GPBP1L1: variants seen among roughly 807,000 people sequenced by gnomAD.
GPBP1L1 encodes the protein vasculin-like protein 1.
Under a neutral mutation model 52.5 loss-of-function variants are expected in GPBP1L1, and 23 were observed. That is an observed-to-expected ratio of 0.44 (90% CI 0.32 to 0.62). GPBP1L1 has a LOEUF of 0.62. Ranked by LOEUF, GPBP1L1 falls within the 20% of genes least tolerant of loss-of-function variation. The pLI, the probability that GPBP1L1 is intolerant of heterozygous loss-of-function variation, is 0.06. For missense variants in GPBP1L1, 596 were observed against 579.3 expected (o/e 1.03, Z -0.30); for synonymous variants, 243 against 203.1 (o/e 1.20, Z -1.67).
chr1:45,633,466 C>T, intron 10 of GPBP1L1, 23 bp downstream of exon 10: 1 of 1,609,772 alleles, frequency 6.2e-7, no homozygotes, highest in Non-Finnish European at 8.5e-7. Flanking sequence ...TAGGCTACCC[C>T]CAGAAAAGGC....
chr1:45,633,741 C>T, intron 9 of GPBP1L1, 94 bp from the exon 10 acceptor site: 1 of 1,245,100 alleles, frequency 8.0e-7, no homozygotes. Flanking sequence ...ATCTGGTAGC[C>T]TATTTATCAC....
rs554456079 is a variant in GPBP1L1 at position 45,640,491 on chromosome 1, A to C, written c.551-88T>G. The stretch of plus-strand genomic sequence containing the variant: ...GTTTATACAAAGGCCTTAGTCAACA[A>C]AACAGCTGACAGTTGAGACAGAGGG... On this transcript the variant is annotated intron_variant, in intron 7 of 12. Transcript: ENST00000355105. 5.8e-6 allele frequency: 6 copies of C among 1,038,592 alleles called. No homozygotes were observed. In the East Asian group the frequency reaches 1.2e-4, roughly 21 times the overall value. The allele number at this position is 1,038,592 out of a possible 1,614,324, so 64.3% of individuals were successfully genotyped here. A position where few individuals can be genotyped will look rare whatever the true frequency, so the allele number is the denominator to read the frequency against.
In GPBP1L1 at chr1:45,654,813, G is replaced by A. The variant is rs77664275; in HGVS notation, c.207C>T (p.Pro69=). ...LRTAGDSWHQ[P]SLFRHDSVDS... ...CCACAGAATCATGGCGGAACAGGGA[G>A]GGCTGGTGCCAAGAATCTAGAATAG... is the stretch of plus-strand genomic sequence containing the variant. Residue 69 remains proline, a synonymous_variant, in exon 6 of 13, where the codon CCC becomes CCT. Transcript: ENST00000355105. 675 of 1,613,968 alleles carry A rather than the reference G, an allele frequency of 4.2e-4. 7 individuals carry two copies. In the East Asian group the frequency reaches 0.011, roughly 26 times the overall value.
chr1:45,682,490 A>T (rs1321070082), intron 2 of GPBP1L1, among the ~76,000 whole-genome samples: 1 of 152,228 alleles, frequency 6.6e-6, no homozygotes, highest in African/African-American at 2.4e-5. Flanking sequence ...AGGTGAACTT[A>T]ATGACTTTGT....
chr1:45,634,257 A>G (rs747729946), intron 8 of GPBP1L1, 21 bp from the exon 9 acceptor site: 1 of 1,592,032 alleles, frequency 6.3e-7, no homozygotes, highest in East Asian at 2.2e-5. Flanking sequence ...TGAAAGAACA[A>G]ATCAGTCAGA....
chr1:45,677,460 C>T (rs1386429763), intron 2 of GPBP1L1, among the ~76,000 whole-genome samples: 14 of 152,030 alleles, frequency 9.2e-5, no homozygotes. Context: ...GATGATCATG[C>T]CACTACACTC....
intron 11 of GPBP1L1, 173 bp from the exon 12 acceptor site, chr1:45,629,851 A>G (rs1206908615): frequency 5.1e-6 from 3 of 584,230 alleles, no homozygotes; most frequent in Non-Finnish European, 9.2e-6. Context: ...GGTGCTGTAA[A>G]TAAATGGAGG....
intron 2 of GPBP1L1, among the ~76,000 whole-genome samples, chr1:45,678,239 A>C (rs1057046118): frequency 1.3e-5 from 2 of 152,228 alleles, no homozygotes; most frequent in African/African-American, 4.8e-5. Flanking sequence ...TACAAATGCG[A>C]ATATACTAAA....
intron 6 of GPBP1L1, among the ~76,000 whole-genome samples, chr1:45,643,609 T>G (rs367584895): frequency 4.7e-5 from 7 of 148,768 alleles, no homozygotes; most frequent in African/African-American, 1.7e-4. Context: ...CGTATGACAC[T>G]GCTGTCCTAG....
Position 45,630,554 on chromosome 1 carries a change from T to C in GPBP1L1, c.1097A>G (p.His366Arg). 1.2e-6 allele frequency: 2 copies of C among 1,614,052 alleles called. No individual in the cohort carries two copies. Among genetic ancestry groups the C allele is most frequent in the Non-Finnish European group, 1.7e-6 (2 of 1,179,898 alleles). Residue 366 changes from histidine (H) to arginine (R), a missense_variant, in exon 11 of 13, where the codon CAT becomes CGT. Transcript: ENST00000355105. Reference protein sequence around the residue: ...EPKENGEEGCHQNGLALPVVE... With the variant: ...EPKENGEEGCRQNGLALPVVE... ...TACAGGGAGGGCAAGACCATTTTGATGACAGCCTTCCTCCCCATTTTCCTT... is the reference window on the plus strand; with the variant it reads ...TACAGGGAGGGCAAGACCATTTTGACGACAGCCTTCCTCCCCATTTTCCTT...
intron 6 of GPBP1L1, among the ~76,000 whole-genome samples, chr1:45,652,224 G>A (rs954330536): frequency 1.3e-5 from 2 of 152,224 alleles, no homozygotes; most frequent in African/African-American, 2.4e-5. Flanking sequence ...CTTGCCCCTA[G>A]TTGAGAACCA....
chr1:45,628,504 T>G lies in GPBP1L1; in HGVS notation c.1273-96A>C. The G allele has an allele frequency of 2.6e-6, 3 of 1,171,818 alleles. No homozygotes were observed. In the South Asian group the frequency reaches 4.4e-5, roughly 17 times the overall value. 72.6% of individuals were successfully genotyped at this position (1,171,818 alleles called of 1,614,324 possible). On this transcript the variant is annotated intron_variant, in intron 12 of 12. Transcript: ENST00000355105. ...GAAAGGCCAGGCCTCAATTCAATTCTAGGTAGAATGTGGGGCGGGGGGTGC... is the reference window on the plus strand; with the variant it reads ...GAAAGGCCAGGCCTCAATTCAATTCGAGGTAGAATGTGGGGCGGGGGGTGC...
At chr1:45,674,387 A>C (rs1421533231) in intron 2 of GPBP1L1, among the ~76,000 whole-genome samples, 3 of 152,226 alleles carry the variant, frequency 2.0e-5, no homozygotes, top group African/African-American at 7.2e-5. Flanking sequence ...AAAAGTTAAC[A>C]ATCTTACATT....
At chr1:45,678,014 C>A (rs1019733872) in intron 2 of GPBP1L1, among the ~76,000 whole-genome samples, 3 of 152,158 alleles carry the variant, frequency 2.0e-5, no homozygotes, top group African/African-American at 7.2e-5. Context: ...CATCCTACAA[C>A]ATGGATGAAC....
At chr1:45,652,720 A>ATT (rs59239639) in intron 6 of GPBP1L1, among the ~76,000 whole-genome samples, 1 of 147,670 alleles carries the variant, frequency 6.8e-6, no homozygotes, top group African/African-American at 2.5e-5. Flanking sequence ...TGATTGCTGC[A>ATT]TTTTTTTTTT....
rs1644468086 is a variant in GPBP1L1, at chr1:45,627,335, T to G, written c.*921A>C. On this transcript the variant is annotated 3_prime_UTR_variant, in exon 13 of 13. Transcript: ENST00000355105. ...TCTGACTTTATTACTGGTAATTTAT[T>G]GCACAGGTTTTTCTGCATCAAAAAA... is the stretch of plus-strand genomic sequence containing the variant. 1 of 152,440 alleles carries G rather than the reference T, an allele frequency of 6.6e-6. No homozygotes were observed. The allele number at this position is 152,440 out of a possible 1,614,324, so 9.4% of individuals were successfully genotyped here. A position where few individuals can be genotyped will look rare whatever the true frequency, so the allele number is the denominator to read the frequency against.
Position 45,672,569 on chromosome 1 carries a change from G to A in GPBP1L1, c.-1097-11344C>T, listed in dbSNP as rs188501750. ...AACTTTTAGGTGCCTACCAGACATCGAAGTGGAGATGTTAAGTAGATAGCT... is the reference window on the plus strand; with the variant it reads ...AACTTTTAGGTGCCTACCAGACATCAAAGTGGAGATGTTAAGTAGATAGCT... On this transcript the variant is annotated intron_variant, in intron 2 of 12. Transcript: ENST00000355105. Among the ~76,000 whole-genome samples, 109 of 152,222 alleles carry A rather than the reference G, an allele frequency of 7.2e-4. 1 individual carries two copies. Among genetic ancestry groups the A allele is most frequent in the African/African-American group, 2.4e-3 (98 of 41,530 alleles).
chr1:45,662,753 C>G (rs2148486815), intron 2 of GPBP1L1, among the ~76,000 whole-genome samples: 1 of 152,186 alleles, frequency 6.6e-6, no homozygotes, highest in South Asian at 2.1e-4. Flanking sequence ...AAACTTCTAA[C>G]ACTTAAAAGA....
chr1:45,645,768 G>T (rs72688461), intron 6 of GPBP1L1: 24,828 of 207,088 alleles, frequency 0.12, 1,576 homozygotes, highest in South Asian at 0.21. Context: ...GAAGTTTTTT[G>T]TTTTTTTTTT....
Sources: allele counts gnomAD v4.1 joint callset (sites outside exome capture counted in the v4.1 genomes callset), GRCh38; gene constraint gnomAD v4.1.1; transcripts MANE v1.5; gene names NCBI Gene and HGNC (gene_info 2026-07-23, HGNC 2026-07-21).